Variants in FHIT observed in about 807,000 individuals in gnomAD.
FHIT encodes fragile histidine triad diadenosine triphosphatase, also known as bis(5'-adenosyl)-triphosphatase.
A neutral mutation model predicts 17.9 loss-of-function variants in FHIT; 19 were observed. The observed-to-expected ratio is 1.06, with a 90% CI of 0.74 to 1.56. The LOEUF is 1.56. Among genes scored for constraint, FHIT ranks in the 40% most tolerant of loss-of-function variants. The probability of loss-of-function intolerance (pLI) is 0.00; values close to 1 mark genes in which losing one functional copy is unlikely to be tolerated. For missense variants in FHIT, 248 were observed against 189.2 expected (o/e 1.31, Z -1.82); for synonymous variants, 81 against 69.7 (o/e 1.16, Z -0.81).
In FHIT at chr3:60,210,254, A is replaced by C. The variant is rs369155254; in HGVS notation, c.104-196102T>G. ...TTGGGATAAGTGGATAGTCACATGA[A>C]GAAAGGTAAAATCAGATCCATTCCT... On this transcript the variant is annotated intron_variant, in intron 5 of 9. Transcript: ENST00000492590. 2.6e-5 allele frequency among the ~76,000 whole-genome samples: 4 copies of C among 152,266 alleles called. No individual in the cohort carries two copies. The East Asian group carries it at 5.8e-4, about 22-fold the overall frequency.
At chr3:60,671,784 A>G (rs1457262152) in intron 4 of FHIT, among the ~76,000 whole-genome samples, 3 of 150,850 alleles carry the variant, frequency 2.0e-5, no homozygotes, top group African/African-American at 7.3e-5. Context: ...TACTAAAAAA[A>G]AAAAAAAACA....
At chr3:60,066,611 T>G (rs1406850296) in intron 5 of FHIT, among the ~76,000 whole-genome samples, 3 of 150,510 alleles carry the variant, frequency 2.0e-5, no homozygotes, top group African/African-American at 7.3e-5. Context: ...TGTTATAGGT[T>G]GATTTTAATC....
intron 3 of FHIT, among the ~76,000 whole-genome samples, chr3:60,968,874 T>C (rs1028154382): frequency 3.3e-5 from 5 of 152,218 alleles, no homozygotes; most frequent in South Asian, 4.1e-4. Flanking sequence ...GTAAGTTGCA[T>C]TGACTGATTT....
intron 2 of FHIT, among the ~76,000 whole-genome samples, chr3:61,160,343 A>C (rs1307035257): frequency 6.6e-6 from 1 of 152,214 alleles, no homozygotes; most frequent in Non-Finnish European, 1.5e-5. Flanking sequence ...CATGTACATA[A>C]GTTCTTCCAT....
intron 2 of FHIT, chr3:61,165,915 T>C (rs1271235675): frequency 1.3e-5 from 2 of 152,172 alleles, no homozygotes; most frequent in Non-Finnish European, 2.9e-5. Flanking sequence ...TGCTATTGAA[T>C]TTATCATTCA....
At chr3:60,367,372 A>C (rs936431678) in intron 5 of FHIT, among the ~76,000 whole-genome samples, 1 of 152,212 alleles carries the variant, frequency 6.6e-6, no homozygotes, top group African/African-American at 2.4e-5. Context: ...GAATTCAAAG[A>C]TTATTACATT....
chr3:60,946,156 A>G (rs1405803655), intron 3 of FHIT, among the ~76,000 whole-genome samples: 2 of 152,216 alleles, frequency 1.3e-5, no homozygotes, highest in African/African-American at 2.4e-5. Flanking sequence ...TAAATCCTGT[A>G]AGTCAACAGA....
At chr3:60,481,526 T>C (rs1486880361) in intron 5 of FHIT, among the ~76,000 whole-genome samples, 1 of 152,180 alleles carries the variant, frequency 6.6e-6, no homozygotes, top group Non-Finnish European at 1.5e-5. Context: ...ATATTCAGCA[T>C]TCTTAAAGAG....
intron 5 of FHIT, among the ~76,000 whole-genome samples, chr3:60,071,419 G>C (rs17062079): frequency 1.3e-5 from 2 of 151,952 alleles, no homozygotes; most frequent in Non-Finnish European, 2.9e-5. Flanking sequence ...TATTTCTACC[G>C]GGCACTGCAA....
At chr3:60,794,827 G>C (rs1049450359) in intron 4 of FHIT, among the ~76,000 whole-genome samples, 1 of 151,970 alleles carries the variant, frequency 6.6e-6, no homozygotes, top group Admixed American at 6.6e-5. Context: ...AAACACACTG[G>C]CAGTTTTTTT....
At chr3:61,041,176 C>T (rs571975002) in intron 3 of FHIT, among the ~76,000 whole-genome samples, 3 of 152,122 alleles carry the variant, frequency 2.0e-5, no homozygotes, top group South Asian at 2.1e-4. Context: ...GTCAAGAGAT[C>T]GACCCCATCC....
chr3:60,779,643 A>C (rs928208937), intron 4 of FHIT, among the ~76,000 whole-genome samples: 6 of 152,030 alleles, frequency 3.9e-5, no homozygotes, highest in African/African-American at 1.5e-4. Flanking sequence ...TCACTTTAGC[A>C]TTTGTCTTAT....
chr3:60,227,965 C>G (rs1704297681), intron 5 of FHIT, among the ~76,000 whole-genome samples: 2 of 152,140 alleles, frequency 1.3e-5, no homozygotes, highest in South Asian at 4.1e-4. Flanking sequence ...TGCAGGGGAG[C>G]TGGAGATAGT....
intron 5 of FHIT, among the ~76,000 whole-genome samples, chr3:60,106,579 T>C (rs991631861): frequency 1.3e-5 from 2 of 152,190 alleles, no homozygotes; most frequent in African/African-American, 2.4e-5. Flanking sequence ...CTGGGGGTCT[T>C]TGATTGTATC....
chr3:60,284,770 T>C (rs1707640168), intron 5 of FHIT, among the ~76,000 whole-genome samples: 1 of 152,124 alleles, frequency 6.6e-6, no homozygotes, highest in African/African-American at 2.4e-5. Flanking sequence ...TTAACAAAAA[T>C]GATCAAAAAC....
At chr3:60,398,875 G>A (rs1701557587) in intron 5 of FHIT, among the ~76,000 whole-genome samples, 1 of 39,810 alleles carries the variant, frequency 2.5e-5, no homozygotes. Context: ...ACAAGAAAAT[G>A]TTTTAAAAAT....
chr3:60,188,596 T>C (rs1257159252), intron 5 of FHIT, among the ~76,000 whole-genome samples: 2 of 152,182 alleles, frequency 1.3e-5, no homozygotes, highest in African/African-American at 2.4e-5. Context: ...AGTGCCTTCA[T>C]TTCATCCTTC....
At chr3:60,011,669 G>A (rs1216119038) in intron 6 of FHIT, among the ~76,000 whole-genome samples, 3 of 152,170 alleles carry the variant, frequency 2.0e-5, no homozygotes, top group Admixed American at 2.0e-4. Flanking sequence ...CTAGGCTATG[G>A]TTTTAATTGC....
chr3:60,713,322 GC>G (rs2041591543), intron 4 of FHIT, among the ~76,000 whole-genome samples: 1 of 150,878 alleles, frequency 6.6e-6, no homozygotes, highest in African/African-American at 2.4e-5. Flanking sequence ...ACAAGAGAAA[GC>G]AGGAAAGATC....
Sources: gnomAD v4.1 joint callset for allele counts (sites outside exome capture counted in the v4.1 genomes callset) on GRCh38, gnomAD v4.1.1 for gene constraint, MANE v1.5 for transcripts, NCBI Gene and HGNC (gene_info 2026-07-23, HGNC 2026-07-21) for gene names.